ZBP1: variants seen among roughly 807,000 people sequenced by gnomAD.
The protein encoded by ZBP1 is Z-DNA binding protein 1.
ZBP1 carries 42 observed loss-of-function variants against 41.1 expected under a neutral mutation model. That is an observed-to-expected ratio of 1.02 (90% confidence interval 0.80 to 1.32). ZBP1 has a LOEUF of 1.32. Among genes scored for constraint, ZBP1 ranks in the 40% most tolerant of loss-of-function variants. The pLI, the probability that ZBP1 is intolerant of heterozygous loss-of-function variation, is 0.00. For missense variants in ZBP1, 562 were observed against 549.7 expected, an observed-to-expected ratio of 1.02 and a Z score of -0.22; for synonymous variants, 214 against 205.2, an observed-to-expected ratio of 1.04 and a Z score of -0.37.
chr20:57,620,128 G>A (rs769827494), intron 1 of ZBP1, 134 bp downstream of exon 1: 2 of 1,113,650 alleles, frequency 1.8e-6, no homozygotes, highest in Non-Finnish European at 2.6e-6. Context: ...GAGCCACCAC[G>A]CCCAGCTGGT....
intron 5 of ZBP1, 145 bp from the exon 6 acceptor site, chr20:57,612,075 G>T: frequency 1.1e-6 from 1 of 904,572 alleles, no homozygotes; most frequent in South Asian, 1.7e-5. Flanking sequence ...GGCTTAGAGA[G>T]CAAGAGGACC....
At position 57,605,277 on chromosome 20, in the gene ZBP1, AT is replaced by A. The variant is rs553069966; in HGVS notation, c.1094-509del. The stretch of plus-strand genomic sequence containing the variant: ...ATTACACTTCATAGATATTGCACTC[AT>A]TTTTCACAAGTTGAAGGTTTGTGGC... On this transcript the variant is annotated intron_variant, in intron 7 of 7. Transcript: ENST00000371173. 2.0e-5 allele frequency among the ~76,000 whole-genome samples: 3 copies of A among 152,192 alleles called. No homozygotes were observed. The South Asian group carries it at 6.2e-4, about 32-fold the overall frequency.
intron 3 of ZBP1, 134 bp downstream of exon 3, chr20:57,615,378 T>C: frequency 2.1e-6 from 2 of 957,002 alleles, no homozygotes; most frequent in Non-Finnish European, 3.3e-6. Flanking sequence ...CTCTGAACAC[T>C]GTATGGGAGC....
chr20:57,620,194 G>A (rs1057247008), intron 1 of ZBP1, 68 bp downstream of exon 1: 19 of 1,523,258 alleles, frequency 1.2e-5, no homozygotes, highest in African/African-American at 4.1e-5. Flanking sequence ...AGCGAAACAG[G>A]AGGAAAGAGA....
chr20:57,616,737 G>T, intron 1 of ZBP1: 2 of 501,026 alleles, frequency 4.0e-6, no homozygotes, highest in South Asian at 4.2e-5. Flanking sequence ...CCCTCCCCGG[G>T]TGTGGGTTCC....
At chr20:57,605,181 G>A (rs373373492) in intron 7 of ZBP1, among the ~76,000 whole-genome samples, 19 of 152,108 alleles carry the variant, frequency 1.2e-4, no homozygotes, top group African/African-American at 3.9e-4. Flanking sequence ...ATAAGGTCCC[G>A]CCCGCCACTC....
rs1568934048 is a variant in ZBP1, at chr20:57,613,202, C to CGT, written c.629_630dup (p.Gly211ThrfsTer36). The stretch of plus-strand genomic sequence containing the variant: ...ACTGTCTGTCTTGTAATGATGTTCC[C>CGT]GTGTCCAATCTGGATGGCTTCGGAG... On this transcript the variant is annotated frameshift_variant, in exon 5 of 8. Transcript: ENST00000371173. LOFTEE classifies it high-confidence loss of function. This position sits in a 1 kb window ranked among gnomAD's most constrained non-coding sequence, Gnocchi z 4.5. The CGT allele has an allele frequency of 1.9e-6, 3 of 1,614,192 alleles. No individual in the cohort carries two copies. Among genetic ancestry groups the CGT allele is most frequent in the Non-Finnish European group, 2.5e-6 (3 of 1,180,034 alleles).
rs570720404 is a variant in ZBP1, at chr20:57,604,014, C to T, written c.*559G>A. On this transcript the variant is annotated 3_prime_UTR_variant, in exon 8 of 8. Coordinates refer to ENST00000371173, the MANE Select transcript of ZBP1 (RefSeq NM_030776.3). ...TCCGGAGTAGCTGGGACTCCAGGTGCCCGCCACAACGCCCGGCTAATTTTT... is the reference window on the plus strand; with the variant it reads ...TCCGGAGTAGCTGGGACTCCAGGTGTCCGCCACAACGCCCGGCTAATTTTT... 9.5e-5 allele frequency: 19 copies of T among 199,614 alleles called. No individual in the cohort carries two copies. The South Asian group carries it at 1.4e-3, about 14-fold the overall frequency. 12.4% of individuals were successfully genotyped at this position (199,614 alleles called of 1,614,324 possible).
chr20:57,608,445 A>G (rs928641952), intron 7 of ZBP1, among the ~76,000 whole-genome samples: 15 of 151,828 alleles, frequency 9.9e-5, no homozygotes, highest in African/African-American at 3.6e-4. Flanking sequence ...TAAAAAACAC[A>G]GTGCTGTGTT....
chr20:57,613,972 T>A lies in ZBP1; in HGVS notation c.503-642A>T, dbSNP rs1017700209. ...TGTGCCTTTGTGGGCCCTTCCCCCATACACAAATATTTAAATTACATTGTA... is the reference window on the plus strand; with the variant it reads ...TGTGCCTTTGTGGGCCCTTCCCCCAAACACAAATATTTAAATTACATTGTA... On this transcript the variant is annotated intron_variant, in intron 4 of 7. Coordinates refer to ENST00000371173, the MANE Select transcript of ZBP1 (RefSeq NM_030776.3). The surrounding 1 kb of genome is among the most constrained non-coding windows in gnomAD (Gnocchi z 4.5). 6.6e-6 allele frequency among the ~76,000 whole-genome samples: 1 copy of A among 152,210 alleles called. No homozygotes were observed. Among genetic ancestry groups the A allele is most frequent in the Non-Finnish European group, 1.5e-5 (1 of 68,032 alleles).
At chr20:57,612,895 T>G in intron 5 of ZBP1, 1 of 1,334,146 alleles carries the variant, frequency 7.5e-7, no homozygotes. Context: ...CCCATCTTAA[T>G]TTTAAAATTT....
chr20:57,614,207 G>A (rs1376161204), intron 4 of ZBP1, among the ~76,000 whole-genome samples: 2 of 151,870 alleles, frequency 1.3e-5, no homozygotes, highest in Non-Finnish European at 2.9e-5. Flanking sequence ...GCTAATTTTT[G>A]TATTTTTAGT....
intron 7 of ZBP1, among the ~76,000 whole-genome samples, chr20:57,605,648 C>A (rs2070475772): frequency 6.6e-6 from 1 of 152,166 alleles, no homozygotes; most frequent in Admixed American, 6.5e-5. Flanking sequence ...CATAACCCTA[C>A]AATGGGCCGG....
rs1162853887 is a variant in ZBP1 at position 57,604,644 on chromosome 20, T to C, written c.1219A>G (p.Lys407Glu). The C allele has an allele frequency of 6.2e-7, 1 of 1,614,076 alleles. No homozygotes were observed. The highest frequency in any genetic ancestry group is 8.5e-7 in the Non-Finnish European group (1 of 1,180,044). The change falls in exon 8 of 8, where the codon AAA becomes GAA. Residue 407 changes from lysine to glutamate, a missense_variant. Transcript: ENST00000371173. ...ETMTLGNRSH[K>E]AAEGSHYVDE... Reference sequence around the variant, plus strand: ...ACATAGTGGCTGCCTTCTGCAGCTTTGTGACTCCTGTTTCCAAGAGTCATA... The same window carrying C: ...ACATAGTGGCTGCCTTCTGCAGCTTCGTGACTCCTGTTTCCAAGAGTCATA...
intron 1 of ZBP1, chr20:57,617,603 T>C (rs1307409418): frequency 6.6e-6 from 1 of 152,202 alleles, no homozygotes; most frequent in Non-Finnish European, 1.5e-5. Context: ...ACACTTGTAA[T>C]CCTAGCACAT....
Position 57,620,422 on chromosome 20 carries a change from G to A in ZBP1, c.-127C>T. ...GTGGCCGAGCCTGGTGCTTCTTGCA[G>A]CTCTGAACCCACAAGGGGAGGGATG... On this transcript the variant is annotated 5_prime_UTR_variant, in exon 1 of 8. Coordinates refer to ENST00000371173, the MANE Select transcript of ZBP1 (RefSeq NM_030776.3). 1 of 1,012,794 alleles carries A rather than the reference G, an allele frequency of 9.9e-7. No individual in the cohort carries two copies. The highest frequency in any genetic ancestry group is 1.6e-5 in the South Asian group (1 of 61,724). 62.7% of individuals were successfully genotyped at this position (1,012,794 alleles called of 1,614,324 possible).
At position 57,610,769 on chromosome 20, in the gene ZBP1, C is replaced by T. The variant is rs2070643151; in HGVS notation, c.875-402G>A. On this transcript the variant is annotated intron_variant, in intron 6 of 7. Coordinates refer to ENST00000371173, the MANE Select transcript of ZBP1 (RefSeq NM_030776.3). The surrounding 1 kb of genome is among the most constrained non-coding windows in gnomAD (Gnocchi z 5.5). Reference sequence around the variant, plus strand: ...CCAGCTCCTGCCATCTGGCTCTGCCCTTTCCCACCCAAACTTCTGAAGAAT... The same window carrying T: ...CCAGCTCCTGCCATCTGGCTCTGCCTTTTCCCACCCAAACTTCTGAAGAAT... 2 of 287,590 alleles carry T rather than the reference C, an allele frequency of 7.0e-6. No homozygotes were observed. Among genetic ancestry groups the T allele is most frequent in the Non-Finnish European group, 1.3e-5 (2 of 148,540 alleles). 17.8% of individuals were successfully genotyped at this position (287,590 alleles called of 1,614,324 possible). A position where few individuals can be genotyped will look rare whatever the true frequency, so the allele number is the denominator to read the frequency against.
At chr20:57,614,673 T>G (rs1316598661) in intron 4 of ZBP1, among the ~76,000 whole-genome samples, 1 of 152,238 alleles carries the variant, frequency 6.6e-6, no homozygotes, top group Non-Finnish European at 1.5e-5. Flanking sequence ...CTTCTGCAAC[T>G]GCAGACCTTG....
At chr20:57,606,304 A>G (rs1222998909) in intron 7 of ZBP1, among the ~76,000 whole-genome samples, 1 of 152,244 alleles carries the variant, frequency 6.6e-6, no homozygotes, top group African/African-American at 2.4e-5. Context: ...ATTCAATTCT[A>G]AAGGCTGAGA....
Sources: gnomAD v4.1 joint callset for allele counts (sites outside exome capture counted in the v4.1 genomes callset) on GRCh38, gnomAD v4.1.1 for gene constraint, Gnocchi (gnomAD v3.1) non-coding constraint, MANE v1.5 for transcripts, NCBI Gene and HGNC (gene_info 2026-07-23, HGNC 2026-07-21) for gene names.